The following MACF1 variants were observed in gnomAD, a reference collection of about 807,000 sequenced individuals.
MACF1 encodes the protein microtubule actin crosslinking factor 1.
Under a neutral mutation model 854.8 loss-of-function variants are expected in MACF1, and 193 were observed. That is an observed-to-expected ratio of 0.23 (90% CI 0.20 to 0.25). MACF1 has a LOEUF of 0.25. Ranked by LOEUF, MACF1 falls within the 10% of genes least tolerant of loss-of-function variation. The pLI is 1.00. For missense variants in MACF1, 7,722 were observed against 8,929.1 expected (o/e 0.86, Z 5.45); for synonymous variants, 3,185 against 3,226.7 (o/e 0.99, Z 0.44).
intron 2 of MACF1, among the ~76,000 whole-genome samples, chr1:39,190,391 G>GTTTTTTTTT (rs1557508061): frequency 2.4e-5 from 1 of 41,736 alleles, no homozygotes; most frequent in Non-Finnish European, 5.8e-5. Context: ...GTGTGTGTGT[G>GTTTTTTTTT]TTTGTTTTTG....
intron 6 of MACF1, among the ~76,000 whole-genome samples, chr1:39,272,453 A>G (rs1167024192): frequency 6.6e-6 from 1 of 152,230 alleles, no homozygotes; most frequent in Admixed American, 6.5e-5. Context: ...GCTGCTGTTC[A>G]CACACCAACT....
intron 2 of MACF1, among the ~76,000 whole-genome samples, chr1:39,088,219 G>C (rs1276263538): frequency 6.6e-6 from 1 of 152,026 alleles, no homozygotes; most frequent in Non-Finnish European, 1.5e-5. Context: ...TGATCCGCCC[G>C]CCTCAGCCTC....
At chr1:39,445,165 C>T (rs1168762896) in intron 80 of MACF1, among the ~76,000 whole-genome samples, 1 of 152,180 alleles carries the variant, frequency 6.6e-6, no homozygotes, top group Non-Finnish European at 1.5e-5. Flanking sequence ...GGGGACAGGG[C>T]ATATAGGGAC....
At chr1:39,428,355 T>C (rs530050953) in intron 63 of MACF1, 68 bp downstream of exon 63, 4 of 1,409,532 alleles carry the variant, frequency 2.8e-6, no homozygotes, top group Non-Finnish European at 3.8e-6. Flanking sequence ...CATGTTTCTC[T>C]TCATTTATTT....
Position 39,459,781 on chromosome 1 carries a change from AAT to A in MACF1, c.21360+535_21360+536del, listed in dbSNP as rs767862408. 2.3e-5 allele frequency: 30 copies of A among 1,289,174 alleles called. No individual in the cohort carries two copies. In the African/African-American group the frequency reaches 4.3e-4, roughly 18 times the overall value. 79.9% of individuals were successfully genotyped at this position (1,289,174 alleles called of 1,614,324 possible). ...TTCCTAGTTTCTAAAACAAGCCTCTAATATCTTTTGTATTTTTTTATTTGTGC... is the reference window on the plus strand; with the variant it reads ...TTCCTAGTTTCTAAAACAAGCCTCTAATCTTTTGTATTTTTTTATTTGTGC... On this transcript the variant is annotated intron_variant, in intron 91 of 100. Transcript: ENST00000564288.
At chr1:39,398,562 T>C (rs903497047) in intron 58 of MACF1, among the ~76,000 whole-genome samples, 2 of 152,198 alleles carry the variant, frequency 1.3e-5, no homozygotes, top group African/African-American at 4.8e-5. Context: ...AGCTTACTTC[T>C]AGAAAGCTAG....
chr1:39,216,441 A>C (rs901947805), intron 1 of MACF1, among the ~76,000 whole-genome samples: 4 of 152,186 alleles, frequency 2.6e-5, no homozygotes, highest in Non-Finnish European at 5.9e-5. Context: ...TGAGTCTCTA[A>C]CAAGGAGCAA....
intron 14 of MACF1, among the ~76,000 whole-genome samples, chr1:39,286,078 A>G (rs1047244775): frequency 2.6e-5 from 4 of 152,196 alleles, no homozygotes; most frequent in African/African-American, 7.2e-5. Context: ...CAGTGGCACA[A>G]TCATGGCTCA....
At chr1:39,161,922 TG>T (rs1643806961) in intron 2 of MACF1, among the ~76,000 whole-genome samples, 1 of 149,784 alleles carries the variant, frequency 6.7e-6, no homozygotes, top group Admixed American at 6.6e-5. Context: ...CCGGGCATGA[TG>T]GTGTGCGCCT....
chr1:39,171,073 T>C (rs1032027575), intron 2 of MACF1, among the ~76,000 whole-genome samples: 1 of 152,200 alleles, frequency 6.6e-6, no homozygotes, highest in Non-Finnish European at 1.5e-5. Flanking sequence ...CTGACATTTT[T>C]ATTTTCCTTT....
chr1:39,402,050 A>G (rs1161034675), intron 58 of MACF1, among the ~76,000 whole-genome samples: 1 of 151,206 alleles, frequency 6.6e-6, no homozygotes, highest in Admixed American at 6.6e-5. Flanking sequence ...CGTCTCTACT[A>G]AAAATACAAA....
intron 2 of MACF1, among the ~76,000 whole-genome samples, chr1:39,127,862 T>A (rs910920070): frequency 6.6e-6 from 1 of 151,988 alleles, no homozygotes; most frequent in Non-Finnish European, 1.5e-5. Context: ...AAAAAAAAAA[T>A]GTCCTAGTGA....
rs60350458 is a variant in MACF1 at position 39,217,240 on chromosome 1, CTATTTTATTTTATTT to C, written c.109+12147_109+12161del. On this transcript the variant is annotated intron_variant, in intron 1 of 100. Coordinates refer to ENST00000564288, the MANE Select transcript of MACF1 (RefSeq NM_001394062.1). ...TCACAATCACTTCATGATTTAGGGT[CTATTTTATTTTATTT>C]TATTTTATTTTATTTTATTTTATTT... Among the ~76,000 whole-genome samples the C allele has an allele frequency of 7.6e-3, 1,039 of 135,910 alleles. 5 individuals carry two copies. Among genetic ancestry groups the C allele is most frequent in the South Asian group, 0.013 (50 of 3,846 alleles). 89.2% of individuals were successfully genotyped at this position (135,910 alleles called of 152,430 possible). A position where few individuals can be genotyped will look rare whatever the true frequency, so the allele number is the denominator to read the frequency against.
chr1:39,452,648 G>A (rs200297159), intron 86 of MACF1, 36 bp from the exon 87 acceptor site: 2 of 1,611,594 alleles, frequency 1.2e-6, no homozygotes, highest in African/African-American at 2.7e-5. Context: ...CTTGGCTGCA[G>A]AGAGAGGTTG....
At position 39,335,058 on chromosome 1, in the gene MACF1, G is replaced by A; in HGVS notation, c.8470G>A (p.Glu2824Lys). 1 of 1,614,028 alleles carries A rather than the reference G, an allele frequency of 6.2e-7. No individual in the cohort carries two copies. The change falls in exon 37 of 101, where the codon GAA becomes AAA. Residue 2824 changes from glutamate (E) to lysine (K), a missense_variant. Glu to Lys is a moderately conservative substitution (Grantham distance 56, BLOSUM62 1). Coordinates refer to ENST00000564288, the MANE Select transcript of MACF1 (RefSeq NM_001394062.1). ...TCAAGTTGAAAATCAGTCTGCACAA[G>A]AAAAGGTTAAAGTGAGAGTTTCTGA... Reference protein sequence around the residue: ...LFQVENQSAQEKVKVRVSDGE... With the variant: ...LFQVENQSAQKKVKVRVSDGE...
At position 39,460,835 on chromosome 1, in the gene MACF1, T is replaced by A. The variant is rs1644537708; in HGVS notation, c.21523+41T>A. ...ATTCCAAACATGGGTCACACCTGGATTCCTTGCACTTTGTAGAAGCTGTGA... is the reference window on the plus strand; with the variant it reads ...ATTCCAAACATGGGTCACACCTGGAATCCTTGCACTTTGTAGAAGCTGTGA... On this transcript the variant is annotated intron_variant, in intron 92 of 100. Transcript: ENST00000564288. This position sits in a 1 kb window ranked among gnomAD's most constrained non-coding sequence, Gnocchi z 4.1. 7.5e-6 allele frequency: 12 copies of A among 1,603,824 alleles called. No individual in the cohort carries two copies. The highest frequency in any genetic ancestry group is 1.7e-5 in the Admixed American group (1 of 59,762).
intron 36 of MACF1, among the ~76,000 whole-genome samples, chr1:39,329,031 A>C (rs949057983): frequency 6.6e-6 from 1 of 152,224 alleles, no homozygotes; most frequent in Non-Finnish European, 1.5e-5. Context: ...GATTTTCTAA[A>C]AGGAATTTTT....
At chr1:39,198,656 C>CAA (rs539074566) in intron 2 of MACF1, among the ~76,000 whole-genome samples, 127 of 75,856 alleles carry the variant, frequency 1.7e-3, no homozygotes, top group African/African-American at 2.7e-3. Flanking sequence ...AACTCCGTCT[C>CAA]AAAAAAAAAA....
Position 39,335,518 on chromosome 1 carries a change from AGAGGGAGGT to A in MACF1, c.8933_8941del (p.Arg2978_Val2980del). ...GCTCGGGTGAAAAGTAAGAGAGAGA[AGAGGGAGGT>A]GATTGTAGAAGAAAGTATCAGAACA... is the stretch of plus-strand genomic sequence containing the variant. On this transcript the variant is annotated inframe_deletion, in exon 37 of 101. Coordinates refer to ENST00000564288, the MANE Select transcript of MACF1 (RefSeq NM_001394062.1). 6.2e-7 allele frequency: 1 copy of A among 1,614,176 alleles called. No homozygotes were observed. Among genetic ancestry groups the A allele is most frequent in the Non-Finnish European group, 8.5e-7 (1 of 1,180,010 alleles).
Sources: allele counts gnomAD v4.1 joint callset (sites outside exome capture counted in the v4.1 genomes callset), GRCh38; gene constraint gnomAD v4.1.1; non-coding constraint Gnocchi (gnomAD v3.1); transcripts MANE v1.5; gene names NCBI Gene and HGNC (gene_info 2026-07-23, HGNC 2026-07-21).